The following WDFY3 variants were observed in gnomAD, a reference collection of about 807,000 sequenced individuals.
The protein encoded by WDFY3 is WD repeat and FYVE domain-containing protein 3.
In WDFY3, 66 loss-of-function variants were observed where a neutral mutation model predicts 409.6. That is an observed-to-expected ratio of 0.16 (90% CI 0.13 to 0.20). The LOEUF (loss-of-function observed/expected upper bound fraction) is 0.20. WDFY3 is among the 10% of genes least tolerant of loss of function. WDFY3 has a pLI of 1.00. For missense variants in WDFY3, 3,031 were observed against 4,298.1 expected, an observed-to-expected ratio of 0.71 and a Z score of 8.24; for synonymous variants, 1,521 against 1,537.1, an observed-to-expected ratio of 0.99 and a Z score of 0.25.
At chr4:84,905,499 C>T (rs1766923458) in intron 2 of WDFY3, among the ~76,000 whole-genome samples, 1 of 152,180 alleles carries the variant, frequency 6.6e-6, no homozygotes. Context: ...ATTGGTTCCA[C>T]CTACAGACTA....
chr4:84,964,636 G>T (rs1008242087), intron 1 of WDFY3, among the ~76,000 whole-genome samples: 1 of 152,032 alleles, frequency 6.6e-6, no homozygotes, highest in Non-Finnish European at 1.5e-5. Flanking sequence ...GTAGAACATT[G>T]TATTTTCTAA....
In WDFY3 at chr4:84,807,958, T is replaced by TA. The variant is rs887679218; in HGVS notation, c.2429+375dup. Among the ~76,000 whole-genome samples the TA allele has an allele frequency of 5.3e-3, 770 of 143,928 alleles. 6 individuals carry two copies. Among genetic ancestry groups the TA allele is most frequent in the African/African-American group, 0.018 (713 of 39,200 alleles). The allele number at this position is 143,928 out of a possible 152,430, so 94.4% of individuals were successfully genotyped here. On this transcript the variant is annotated intron_variant, in intron 15 of 67. Transcript: ENST00000295888. ...TGATCCCAACGTTTAAAGTAAAAAA[T>TA]AAAAAAAAAATGAAAAATAAAAAAA... is the stretch of plus-strand genomic sequence containing the variant.
At position 84,713,113 on chromosome 4, in the gene WDFY3, C is replaced by T. The variant is rs1483168321; in HGVS notation, c.8042+46G>A. 7 of 1,588,016 alleles carry T rather than the reference C, an allele frequency of 4.4e-6. No homozygotes were observed. In the Admixed American group the frequency reaches 8.3e-5, roughly 19 times the overall value. On this transcript the variant is annotated intron_variant, in intron 51 of 67. Coordinates refer to ENST00000295888, the MANE Select transcript of WDFY3 (RefSeq NM_014991.6). ...TAATACTGTCCAGATATGAATCATCCCAACTTCACTATTAAACTGTAACAT... is the reference window on the plus strand; with the variant it reads ...TAATACTGTCCAGATATGAATCATCTCAACTTCACTATTAAACTGTAACAT...
At chr4:84,923,077 T>C (rs542363047) in intron 2 of WDFY3, among the ~76,000 whole-genome samples, 9 of 152,316 alleles carry the variant, frequency 5.9e-5, no homozygotes, top group African/African-American at 1.7e-4. Context: ...AAAATCATCA[T>C]AGTCTTTTGG....
At chr4:84,840,811 G>C (rs1265250123) in intron 6 of WDFY3, among the ~76,000 whole-genome samples, 1 of 151,328 alleles carries the variant, frequency 6.6e-6, no homozygotes, top group Non-Finnish European at 1.5e-5. Context: ...GAATTTCCGG[G>C]CTCAAGCAAT....
chr4:84,850,067 T>C (rs1758665827), intron 4 of WDFY3, 42 bp from the exon 5 acceptor site: 1 of 1,534,310 alleles, frequency 6.5e-7, no homozygotes. Context: ...CACTGACAAA[T>C]TTTTCTTTTT....
chr4:84,791,804 T>C (rs1205730728), intron 21 of WDFY3, among the ~76,000 whole-genome samples: 8 of 152,362 alleles, frequency 5.3e-5, no homozygotes, highest in Non-Finnish European at 8.8e-5. Context: ...TCTGATTTGC[T>C]ACCATTCTAC....
At chr4:84,835,237 T>C (rs947333500) in intron 7 of WDFY3, among the ~76,000 whole-genome samples, 1 of 152,220 alleles carries the variant, frequency 6.6e-6, no homozygotes, top group Admixed American at 6.5e-5. Flanking sequence ...GCAGATTCCA[T>C]TTATTACCTA....
intron 3 of WDFY3, among the ~76,000 whole-genome samples, chr4:84,879,672 TA>T (rs892418830): frequency 2.7e-5 from 4 of 148,244 alleles, no homozygotes; most frequent in South Asian, 2.1e-4. Flanking sequence ...TACATCAAAA[TA>T]AAAAAAAAGT....
In WDFY3 at chr4:84,671,126, T is replaced by C. The variant is rs1432129257; in HGVS notation, c.*1742A>G. On this transcript the variant is annotated 3_prime_UTR_variant, in exon 68 of 68. Coordinates refer to ENST00000295888, the MANE Select transcript of WDFY3 (RefSeq NM_014991.6). ...CTATTTTCTCTTGGAGACCTAGTTA[T>C]CATATCAGGAAGAACAAATTTGTTC... 1 of 152,610 alleles carries C rather than the reference T, an allele frequency of 6.6e-6. No homozygotes were observed. Among genetic ancestry groups the C allele is most frequent in the Non-Finnish European group, 1.5e-5 (1 of 68,034 alleles). 9.5% of individuals were successfully genotyped at this position (152,610 alleles called of 1,614,324 possible).
intron 32 of WDFY3, among the ~76,000 whole-genome samples, chr4:84,758,223 T>C (rs1578389341): frequency 6.6e-6 from 1 of 152,184 alleles, no homozygotes; most frequent in Admixed American, 6.5e-5. Flanking sequence ...TGAAGCAATT[T>C]GTATTTCAAA....
intron 1 of WDFY3, among the ~76,000 whole-genome samples, chr4:84,964,612 CAG>C (rs1412232975): frequency 6.6e-6 from 1 of 152,180 alleles, no homozygotes; most frequent in Non-Finnish European, 1.5e-5. Flanking sequence ...TTTTCAAAAA[CAG>C]ATTATGCAAG....
chr4:84,813,205 A>G, intron 13 of WDFY3, among the ~76,000 whole-genome samples: 1 of 152,164 alleles, frequency 6.6e-6, no homozygotes, highest in South Asian at 2.1e-4. Flanking sequence ...TGAATGAAGT[A>G]AAAATGGAAA....
intron 44 of WDFY3, among the ~76,000 whole-genome samples, chr4:84,729,529 TAAAC>T (rs910974609): frequency 4.1e-4 from 62 of 152,076 alleles, no homozygotes; most frequent in African/African-American, 1.5e-3. Context: ...TTATAGTTGA[TAAAC>T]TATTAACGCT....
chr4:84,859,642 C>A (rs1051184372), intron 4 of WDFY3, among the ~76,000 whole-genome samples: 1 of 152,204 alleles, frequency 6.6e-6, no homozygotes, highest in African/African-American at 2.4e-5. Flanking sequence ...ATGGCGTGAT[C>A]TCAGTTCACT....
At chr4:84,857,459 T>G (rs1759923028) in intron 4 of WDFY3, among the ~76,000 whole-genome samples, 1 of 152,184 alleles carries the variant, frequency 6.6e-6, no homozygotes, top group Non-Finnish European at 1.5e-5. Flanking sequence ...ACATTCTCAT[T>G]ACCTTGTAAA....
At chr4:84,853,710 T>G (rs1759359499) in intron 4 of WDFY3, among the ~76,000 whole-genome samples, 1 of 152,194 alleles carries the variant, frequency 6.6e-6, no homozygotes, top group African/African-American at 2.4e-5. Flanking sequence ...TTTACACAAA[T>G]CCTGATGTTT....
Position 84,794,959 on chromosome 4 carries a change from A to C in WDFY3, c.3188T>G (p.Leu1063Trp). The change falls in exon 20 of 68, where the codon TTG becomes TGG. Residue 1063 changes from leucine (L) to tryptophan (W), a missense_variant. Around this residue, in one of 16 missense-constraint regions of WDFY3, gnomAD observed 1,322 missense variants for 1,697.9 expected, o/e 0.78. Coordinates refer to ENST00000295888, the MANE Select transcript of WDFY3 (RefSeq NM_014991.6). ...EGFGCLFLPSLAPHNAPTNNT... is the reference protein window; with the variant it reads ...EGFGCLFLPSWAPHNAPTNNT... ...ATTTGTAGGAGCATTATGAGGGGCC[A>C]AACTGGGCAAAAAAAGACATCTATT... 6.4e-7 allele frequency: 1 copy of C among 1,560,670 alleles called. No homozygotes were observed. The highest frequency in any genetic ancestry group is 8.6e-7 in the Non-Finnish European group (1 of 1,159,212).
intron 2 of WDFY3, among the ~76,000 whole-genome samples, chr4:84,926,056 GC>G (rs1769939669): frequency 6.7e-6 from 1 of 148,728 alleles, no homozygotes; most frequent in Admixed American, 6.6e-5. Context: ...TCTCTCTGTC[GC>G]CCAGGCTGGA....
Sources: gnomAD v4.1 joint callset for allele counts (sites outside exome capture counted in the v4.1 genomes callset) on GRCh38, gnomAD v4.1.1 for gene constraint, gnomAD v4.1.1 regional missense constraint, MANE v1.5 for transcripts, NCBI Gene and HGNC (gene_info 2026-07-23, HGNC 2026-07-21) for gene names.